The following ZNF687 variants were observed in gnomAD, a reference collection of about 807,000 sequenced individuals.
The protein encoded by ZNF687 is zinc finger protein 687.
In ZNF687, 13 loss-of-function variants were observed where a neutral mutation model predicts 71.8. The ratio of observed to expected loss-of-function variants is 0.18; its 90% confidence interval spans 0.12 to 0.29. ZNF687 has a LOEUF of 0.29. Ranked by LOEUF, ZNF687 falls within the 10% of genes least tolerant of loss-of-function variation. The pLI, the probability that ZNF687 is intolerant of heterozygous loss-of-function variation, is 1.00. For missense variants in ZNF687, 1,412 were observed against 1,625.6 expected (o/e 0.87, Z 2.26); for synonymous variants, 673 against 641.6 (o/e 1.05, Z -0.74).
In ZNF687 at chr1:151,289,281, G is replaced by A. The variant is rs1184968932; in HGVS notation, c.2471+10G>A. The A allele has an allele frequency of 8.1e-6, 13 of 1,613,046 alleles. No individual in the cohort carries two copies. The highest frequency in any genetic ancestry group is 4.5e-5 in the East Asian group (2 of 44,880). On this transcript the variant is annotated intron_variant, in intron 4 of 8. Coordinates refer to ENST00000336715, the MANE Select transcript of ZNF687 (RefSeq NM_020832.3). ...AAACTCAGCAGGCCAAGTGAGGCCC[G>A]GGGGAGGGCCGGGCTGGGCCAGGGA...
upstream of ZNF687, chr1:151,281,913 G>T: frequency 1.2e-6 from 1 of 817,268 alleles, no homozygotes; most frequent in Non-Finnish European, 1.7e-6. Context: ...TTCAAGCTTC[G>T]AGCGGCCAGT....
In ZNF687 at chr1:151,289,717, A is replaced by G; in HGVS notation, c.2674A>G (p.Lys892Glu). 6.4e-7 allele frequency: 1 copy of G among 1,561,848 alleles called. No homozygotes were observed. Among genetic ancestry groups the G allele is most frequent in the Non-Finnish European group, 8.7e-7 (1 of 1,152,152 alleles). ...QSGRLEETAG[K>E]GAGGALLTPK... ...TGGGCGCTTGGAGGAGACTGCTGGG[A>G]AAGGGGCCGGGGGTGCCCTGCTGAC... The change falls in exon 6 of 9, where the codon AAA (lysine) becomes GAA (glutamate). Residue 892 changes from lysine (K) to glutamate (E), a missense_variant. This residue lies in a region of ZNF687 where 106 missense variants were observed against 146.0 expected (regional missense o/e 0.73). Coordinates refer to ENST00000336715, the MANE Select transcript of ZNF687 (RefSeq NM_020832.3).
intron 1 of ZNF687, chr1:151,284,391 G>A (rs1380447085): frequency 2.3e-6 from 1 of 427,806 alleles, no homozygotes; most frequent in East Asian, 1.6e-4. Context: ...GTTTGTGACA[G>A]GAGAGGTCTA....
chr1:151,282,291 A>G (rs1427450519), upstream of ZNF687: 1 of 1,002,844 alleles, frequency 1.0e-6, no homozygotes, highest in Non-Finnish European at 1.2e-6. Context: ...GCCGAACCGG[A>G]GAGAAGCAGG....
chr1:151,288,533 C>T lies in ZNF687; in HGVS notation c.2121C>T (p.Cys707=). ...PPAPGATSNV[C]PTCPMMLPNR... ...TTGTTTAACCCACTCGACAGGTGTG[C>T]CCAACCTGCCCCATGATGCTCCCCA... Residue 707 remains cysteine (C), a synonymous_variant, in exon 3 of 9, where the codon TGC becomes TGT. Coordinates refer to ENST00000336715, the MANE Select transcript of ZNF687 (RefSeq NM_020832.3). The T allele has an allele frequency of 1.2e-6, 2 of 1,602,884 alleles. No individual in the cohort carries two copies. Among genetic ancestry groups the T allele is most frequent in the Non-Finnish European group, 1.7e-6 (2 of 1,172,792 alleles).
chr1:151,283,311 G>T, intron 1 of ZNF687: 1 of 985,434 alleles, frequency 1.0e-6, no homozygotes, highest in Non-Finnish European at 1.2e-6. Context: ...CCTTGGGCCC[G>T]GGCAAAGGTC....
Position 151,286,261 on chromosome 1 carries a change from C to T in ZNF687, c.-17-14C>T. The T allele has an allele frequency of 2.6e-6, 4 of 1,518,292 alleles. No individual in the cohort carries two copies. The highest frequency in any genetic ancestry group is 2.6e-6 in the Non-Finnish European group (3 of 1,134,226). 94.1% of individuals were successfully genotyped at this position (1,518,292 alleles called of 1,614,324 possible). A position where few individuals can be genotyped will look rare whatever the true frequency, so the allele number is the denominator to read the frequency against. On this transcript the variant is annotated splice_polypyrimidine_tract_variant and intron_variant, in intron 1 of 8. Coordinates refer to ENST00000336715, the MANE Select transcript of ZNF687 (RefSeq NM_020832.3). Reference sequence around the variant, plus strand: ...GACATCTCAGTTTCTCCTCCTCGTTCCTGTTTTCATCAGGTCTGGGATCTG... The same window carrying T: ...GACATCTCAGTTTCTCCTCCTCGTTTCTGTTTTCATCAGGTCTGGGATCTG...
intron 3 of ZNF687, 39 bp from the exon 4 acceptor site, chr1:151,289,056 C>T (rs768389660): frequency 1.2e-6 from 2 of 1,601,578 alleles, no homozygotes; most frequent in Non-Finnish European, 8.5e-7. Flanking sequence ...CATGGAGATG[C>T]CTCCCACCTC....
chr1:151,288,785 C>T (rs1694066116), intron 3 of ZNF687, 79 bp downstream of exon 3: 14 of 1,444,656 alleles, frequency 9.7e-6, no homozygotes, highest in Middle Eastern at 1.8e-4. Flanking sequence ...TTCAAGATCC[C>T]CTATCTTCCC....
intron 1 of ZNF687, among the ~76,000 whole-genome samples, chr1:151,284,549 T>C (rs1297726301): frequency 6.6e-6 from 1 of 152,116 alleles, no homozygotes; most frequent in Non-Finnish European, 1.5e-5. Flanking sequence ...CCAAGCTAGA[T>C]CTCCAGGTGC....
rs763987339 is a variant in ZNF687 at position 151,287,515 on chromosome 1, C to T, written c.1224C>T (p.Asn408=). 1.2e-5 allele frequency: 20 copies of T among 1,614,004 alleles called. 1 individual carries two copies. The highest frequency in any genetic ancestry group is 5.0e-5 in the Admixed American group (3 of 60,008). ...GTVLPVATIQ[N]ASTAMLMAAS... is the part of the protein sequence containing the mutation. ...TGCTGCCTGTGGCCACCATCCAGAACGCCAGTACTGCCATGCTGATGGCAG... is the reference window on the plus strand; with the variant it reads ...TGCTGCCTGTGGCCACCATCCAGAATGCCAGTACTGCCATGCTGATGGCAG... Residue 408 remains asparagine (N), a synonymous_variant, in exon 2 of 9, where the codon AAC becomes AAT. Coordinates refer to ENST00000336715, the MANE Select transcript of ZNF687 (RefSeq NM_020832.3). The surrounding 1 kb of genome is among the most constrained non-coding windows in gnomAD (Gnocchi z 5.0).
chr1:151,290,078 G>T (rs1415555085), intron 6 of ZNF687, 44 bp from the exon 7 acceptor site: 1 of 1,612,044 alleles, frequency 6.2e-7, no homozygotes, highest in African/African-American at 1.3e-5. Context: ...CAGTGGGGAC[G>T]GGGTCCTGGA....
At chr1:151,284,505 G>A (rs1220571914) in intron 1 of ZNF687, among the ~76,000 whole-genome samples, 2 of 152,012 alleles carry the variant, frequency 1.3e-5, no homozygotes, top group Non-Finnish European at 2.9e-5. Context: ...TTGGTCTCTT[G>A]GGTAATTTCC....
At position 151,291,192 on chromosome 1, in the gene ZNF687, G is replaced by C. The variant is rs1262807188; in HGVS notation, c.3697G>C (p.Ala1233Pro). The C allele has an allele frequency of 6.2e-7, 1 of 1,610,972 alleles. No homozygotes were observed. Among genetic ancestry groups the C allele is most frequent in the Non-Finnish European group, 8.5e-7 (1 of 1,178,668 alleles). ...GGCGTTCATCAGGGCTCGGCAGGGG[G>C]CTGTTGGGGACAACTAGTCTCCAAG... ...GMAFIRARQG[A>P]VGDN Residue 1233 changes from alanine (A) to proline (P), a missense_variant, in exon 9 of 9, where the codon GCT (alanine) becomes CCT (proline). Ala to Pro is a conservative substitution (Grantham distance 27, BLOSUM62 -1). This residue lies in a region of ZNF687 where 284 missense variants were observed against 359.2 expected (regional missense o/e 0.79). Coordinates refer to ENST00000336715, the MANE Select transcript of ZNF687 (RefSeq NM_020832.3).
rs1030468265 is a variant in ZNF687 at position 151,284,106 on chromosome 1, A to G, written c.-18+1711A>G. 6.1e-6 allele frequency: 6 copies of G among 985,232 alleles called. No individual in the cohort carries two copies. In the African/African-American group the frequency reaches 1.0e-4, roughly 17 times the overall value. 61.0% of individuals were successfully genotyped at this position (985,232 alleles called of 1,614,324 possible). ...TTTTGCACTTGGCCAGGTTGAGGCT[A>G]GGTGAAACTTCCTGGGCTACTGTTG... is the stretch of plus-strand genomic sequence containing the variant. On this transcript the variant is annotated intron_variant, in intron 1 of 8. Coordinates refer to ENST00000336715, the MANE Select transcript of ZNF687 (RefSeq NM_020832.3).
chr1:151,287,158 T>A lies in ZNF687; in HGVS notation c.867T>A (p.Asp289Glu), dbSNP rs1328516941. The change falls in exon 2 of 9, where the codon GAT (aspartate) becomes GAA (glutamate). Residue 289 changes from aspartate (D) to glutamate (E), a missense_variant. Physicochemically the swap from Asp to Glu is conservative, Grantham distance 45. Around this residue, in one of 8 missense-constraint regions of ZNF687, gnomAD observed 490 missense variants for 489.9 expected, o/e 1.00. Coordinates refer to ENST00000336715, the MANE Select transcript of ZNF687 (RefSeq NM_020832.3). The surrounding 1 kb of genome is among the most constrained non-coding windows in gnomAD (Gnocchi z 5.0). ...GTCAGCCCTTGAAGGAAGAAGATGA[T>A]GATGAGGGGCCAGTGGACAAGTCTT... ...PVCQPLKEED[D>E]DEGPVDKSSP... The A allele has an allele frequency of 2.5e-6, 4 of 1,614,090 alleles. No individual in the cohort carries two copies. The Admixed American group carries it at 6.7e-5, about 27-fold the overall frequency.
Position 151,288,674 on chromosome 1 carries a change from C to T in ZNF687, c.2262C>T (p.Ala754=). The T allele has an allele frequency of 6.2e-7, 1 of 1,613,990 alleles. No homozygotes were observed. Among genetic ancestry groups the T allele is most frequent in the South Asian group, 1.1e-5 (1 of 91,044 alleles). ...QANFQTHLRE[A]CLHVSRRVGY... Reference sequence around the variant, plus strand: ...ATTTTCAGACCCATCTCCGGGAGGCCTGTCTGCACGTCTCTCGCCGTGTAG... The same window carrying T: ...ATTTTCAGACCCATCTCCGGGAGGCTTGTCTGCACGTCTCTCGCCGTGTAG... Residue 754 remains alanine (A), a synonymous_variant, in exon 3 of 9, where the codon GCC becomes GCT. Transcript: ENST00000336715.
At position 151,291,366 on chromosome 1, in the gene ZNF687, G is replaced by C. The variant is rs768027927; in HGVS notation, c.*157G>C. ...AGAAGAGCATTTGAGGATTATTCTA[G>C]TTATTTGCAACCTCCCTTTGGGTTT... On this transcript the variant is annotated 3_prime_UTR_variant, in exon 9 of 9. Transcript: ENST00000336715. 7 of 1,077,016 alleles carry C rather than the reference G, an allele frequency of 6.5e-6. No homozygotes were observed. In the Admixed American group the frequency reaches 1.5e-4, roughly 23 times the overall value. The allele number at this position is 1,077,016 out of a possible 1,614,324, so 66.7% of individuals were successfully genotyped here. A position where few individuals can be genotyped will look rare whatever the true frequency, so the allele number is the denominator to read the frequency against.
intron 7 of ZNF687, 59 bp downstream of exon 7, chr1:151,290,293 A>C: frequency 3.1e-6 from 5 of 1,609,450 alleles, no homozygotes; most frequent in Non-Finnish European, 4.3e-6. Flanking sequence ...CTGTATGCCA[A>C]AGTACCTGTG....
Sources: allele counts gnomAD v4.1 joint callset (sites outside exome capture counted in the v4.1 genomes callset), GRCh38; gene constraint gnomAD v4.1.1; regional missense constraint gnomAD v4.1.1; non-coding constraint Gnocchi (gnomAD v3.1); transcripts MANE v1.5; gene names NCBI Gene and HGNC (gene_info 2026-07-23, HGNC 2026-07-21).